CLNK: variants seen among roughly 807,000 people sequenced by gnomAD.
CLNK encodes the protein cytokine-dependent hematopoietic cell linker.
A neutral mutation model predicts 68.6 loss-of-function variants in CLNK; 74 were observed. That is an observed-to-expected ratio of 1.08 (90% CI 0.89 to 1.31). The LOEUF (loss-of-function observed/expected upper bound fraction) is 1.31. Ranked by LOEUF, CLNK falls within the 50% of genes most tolerant of loss-of-function variation. The probability of loss-of-function intolerance (pLI) is 0.00; values close to 1 mark genes in which losing one functional copy is unlikely to be tolerated. For missense variants in CLNK, 553 were observed against 515.3 expected (o/e 1.07, Z -0.71); for synonymous variants, 198 against 172.2 (o/e 1.15, Z -1.17).
Position 10,630,121 on chromosome 4 carries a change from T to C in CLNK, c.12-32072A>G, listed in dbSNP as rs543185265. Reference sequence around the variant, plus strand: ...CTCACTATGCTCCTACTCCAGAAAATTGGATTATTGTCTGCAAAGATTCCT... The same window carrying C: ...CTCACTATGCTCCTACTCCAGAAAACTGGATTATTGTCTGCAAAGATTCCT... On this transcript the variant is annotated intron_variant, in intron 2 of 18. Coordinates refer to ENST00000226951, the MANE Select transcript of CLNK (RefSeq NM_052964.4). Among the ~76,000 whole-genome samples, 14 of 152,206 alleles carry C rather than the reference T, an allele frequency of 9.2e-5. No homozygotes were observed. The East Asian group carries it at 2.3e-3, about 25-fold the overall frequency.
intron 4 of CLNK, among the ~76,000 whole-genome samples, chr4:10,578,579 C>CTTTTTTTTTTTTTTTTTTTTTTTTTTTTT (rs5856062): frequency 6.7e-4 from 30 of 44,922 alleles, no homozygotes; most frequent in East Asian, 1.4e-3. Context: ...CTTACCTTAT[C>CTTTTTTTTTTTTTTTTTTTTTTTTTTTTT]TTTTTTTTTT....
At chr4:10,569,581 A>C (rs1333749897) in intron 5 of CLNK, among the ~76,000 whole-genome samples, 1 of 152,204 alleles carries the variant, frequency 6.6e-6, no homozygotes, top group African/African-American at 2.4e-5. Context: ...CTAGAAGACT[A>C]ACACAGGCAC....
intron 16 of CLNK, among the ~76,000 whole-genome samples, chr4:10,512,651 A>G (rs1717642662): frequency 6.6e-6 from 1 of 152,124 alleles, no homozygotes; most frequent in African/African-American, 2.4e-5. Context: ...GGAATTCACC[A>G]GAGATATTCT....
intron 2 of CLNK, among the ~76,000 whole-genome samples, chr4:10,646,584 A>G (rs895754319): frequency 2.0e-5 from 3 of 152,214 alleles, no homozygotes; most frequent in Admixed American, 6.5e-5. Context: ...AGAAATGGAG[A>G]AGACAGAAGT....
intron 2 of CLNK, among the ~76,000 whole-genome samples, chr4:10,621,895 T>C: frequency 6.6e-6 from 1 of 152,176 alleles, no homozygotes; most frequent in Non-Finnish European, 1.5e-5. Context: ...ATTTTCACAG[T>C]GGATCAGCAC....
At chr4:10,576,378 G>T (rs563661976) in intron 4 of CLNK, among the ~76,000 whole-genome samples, 14 of 152,252 alleles carry the variant, frequency 9.2e-5, no homozygotes, top group African/African-American at 2.9e-4. Flanking sequence ...ATGTGTGGAG[G>T]GTCATCCATC....
chr4:10,701,591 G>A, the CLNK span, among the ~76,000 whole-genome samples: 9,934 of 152,272 alleles, frequency 0.065, 470 homozygotes, highest in East Asian at 0.13. Flanking sequence ...GAGCTGGGAA[G>A]GAACCTGATA....
intron 17 of CLNK, among the ~76,000 whole-genome samples, chr4:10,503,498 A>G (rs1228096860): frequency 6.7e-6 from 1 of 149,380 alleles, no homozygotes; most frequent in Non-Finnish European, 1.5e-5. Context: ...GATTATATAT[A>G]TAATGATTTA....
chr4:10,713,079 T>G, the CLNK span, among the ~76,000 whole-genome samples: 1 of 152,202 alleles, frequency 6.6e-6, no homozygotes, highest in Non-Finnish European at 1.5e-5. Context: ...TTGCTTGTCT[T>G]CGCTGTGATT....
In CLNK at chr4:10,577,564, G is replaced by C. The variant is rs533231820; in HGVS notation, c.113-5786C>G. On this transcript the variant is annotated intron_variant, in intron 4 of 18. Transcript: ENST00000226951. ...TAGAAAATCAAGTCAGAATTTCCAGGATACTCCCTGAAGTTGTTACGCACT... is the reference window on the plus strand; with the variant it reads ...TAGAAAATCAAGTCAGAATTTCCAGCATACTCCCTGAAGTTGTTACGCACT... Among the ~76,000 whole-genome samples the C allele has an allele frequency of 3.9e-5, 6 of 152,264 alleles. No individual in the cohort carries two copies. In the South Asian group the frequency reaches 8.3e-4, roughly 21 times the overall value.
In CLNK at chr4:10,627,943, GGGTTCTGCTGCAA is replaced by G. The variant is rs150140519; in HGVS notation, c.12-29907_12-29895del. The stretch of plus-strand genomic sequence containing the variant: ...CTTCTGTCTCCCTCTTTCCCCTGCA[GGGTTCTGCTGCAA>G]GAGGTCCCCGCATAATTCACTTGCA... On this transcript the variant is annotated intron_variant, in intron 2 of 18. Coordinates refer to ENST00000226951, the MANE Select transcript of CLNK (RefSeq NM_052964.4). Among the ~76,000 whole-genome samples, 966 of 152,268 alleles carry G rather than the reference GGGTTCTGCTGCAA, an allele frequency of 6.3e-3. 12 individuals carry two copies. The highest frequency in any genetic ancestry group is 0.022 in the African/African-American group (911 of 41,540).
intron 5 of CLNK, 115 bp from the exon 6 acceptor site, chr4:10,566,265 T>A: frequency 1.0e-6 from 1 of 1,004,740 alleles, no homozygotes; most frequent in Non-Finnish European, 1.5e-6. Flanking sequence ...GTTAAATATT[T>A]AAGAATCTAG....
intron 7 of CLNK, among the ~76,000 whole-genome samples, chr4:10,561,448 A>C (rs1719885062): frequency 6.6e-6 from 1 of 152,252 alleles, no homozygotes. Flanking sequence ...ATCCTGGCAT[A>C]GTTGTTTTTT....
chr4:10,677,136 G>A (rs1413636934), intron 1 of CLNK, among the ~76,000 whole-genome samples: 1 of 151,428 alleles, frequency 6.6e-6, no homozygotes, highest in Non-Finnish European at 1.5e-5. Flanking sequence ...AAATTTTAGA[G>A]GAAAAAAAGT....
chr4:10,694,877 T>C, the CLNK span, among the ~76,000 whole-genome samples: 1 of 152,222 alleles, frequency 6.6e-6, no homozygotes, highest in Admixed American at 6.5e-5. Flanking sequence ...GTTGCAAAGA[T>C]AGAATGTTCT....
the CLNK span, among the ~76,000 whole-genome samples, chr4:10,712,104 G>C: frequency 3.3e-5 from 5 of 152,178 alleles, no homozygotes; most frequent in African/African-American, 1.2e-4. Context: ...GGGCATCAGA[G>C]GAGAGTATAA....
At chr4:10,715,605 ATATTTTGTTGTTGTCTTTG>A in the CLNK span, among the ~76,000 whole-genome samples, 1 of 152,038 alleles carries the variant, frequency 6.6e-6, no homozygotes, top group Non-Finnish European at 1.5e-5. Flanking sequence ...CTTCTTCTTT[ATATTTTGTTGTTGTCTTTG>A]TTGTTTGTTT....
At chr4:10,510,715 G>C (rs1717544020) in intron 16 of CLNK, among the ~76,000 whole-genome samples, 1 of 152,050 alleles carries the variant, frequency 6.6e-6, no homozygotes, top group South Asian at 2.1e-4. Context: ...TGAGAACTTT[G>C]GTCTCCACAA....
intron 8 of CLNK, among the ~76,000 whole-genome samples, chr4:10,548,279 T>C (rs1289229598): frequency 6.6e-6 from 1 of 152,188 alleles, no homozygotes; most frequent in African/African-American, 2.4e-5. Context: ...TTCCTATATA[T>C]GTGTTGGCTA....
Sources: gnomAD v4.1 joint callset for allele counts (sites outside exome capture counted in the v4.1 genomes callset) on GRCh38, gnomAD v4.1.1 for gene constraint, MANE v1.5 for transcripts, NCBI Gene and HGNC (gene_info 2026-07-23, HGNC 2026-07-21) for gene names.